CUX2: variants seen among roughly 807,000 people sequenced by gnomAD.
CUX2 encodes the protein cut like homeobox 2, also known as homeobox protein cut-like 2.
A neutral mutation model predicts 144.8 loss-of-function variants in CUX2; 40 were observed. The observed-to-expected ratio is 0.28, with a 90% CI of 0.21 to 0.36. The LOEUF is 0.36. Among genes scored for constraint, CUX2 ranks in the 10% least tolerant of loss-of-function variants. The pLI is 1.00. For synonymous variants in CUX2, 827 were observed against 875.6 expected (o/e 0.94, Z 0.98); for missense variants, 1,615 against 1,994.0 (o/e 0.81, Z 3.62).
chr12:111,046,354 C>T (rs1461453238), intron 1 of CUX2, among the ~76,000 whole-genome samples: 5 of 152,246 alleles, frequency 3.3e-5, no homozygotes, highest in Non-Finnish European at 7.3e-5. Context: ...CCAGTGTTCA[C>T]AGCCCTTTGT....
chr12:111,138,132 C>T (rs1260240310), intron 1 of CUX2, among the ~76,000 whole-genome samples: 1 of 152,182 alleles, frequency 6.6e-6, no homozygotes, highest in Non-Finnish European at 1.5e-5. Flanking sequence ...GCCAGGCTGG[C>T]CGAGGGGAGG....
rs559667642 is a variant in CUX2 at position 111,302,500 on chromosome 12, G to C, written c.754-1710G>C. Among the ~76,000 whole-genome samples, 4 of 152,258 alleles carry C rather than the reference G, an allele frequency of 2.6e-5. No homozygotes were observed. In the East Asian group the frequency reaches 7.7e-4, roughly 29 times the overall value. On this transcript the variant is annotated intron_variant, in intron 9 of 21. Coordinates refer to ENST00000261726, the MANE Select transcript of CUX2 (RefSeq NM_015267.4). ...GCCTCTTGCCTAAGATCGCATAACC[G>C]GAAAGTTGCAAAGTCAGAATGTGAG... is the stretch of plus-strand genomic sequence containing the variant.
At chr12:111,062,804 C>T (rs1180257247) in intron 1 of CUX2, among the ~76,000 whole-genome samples, 2 of 152,162 alleles carry the variant, frequency 1.3e-5, no homozygotes, top group Admixed American at 6.5e-5. Context: ...AGTGAGGAGG[C>T]GCATGGTAGT....
intron 3 of CUX2, among the ~76,000 whole-genome samples, chr12:111,254,528 C>A (rs1883716083): frequency 6.6e-6 from 1 of 152,156 alleles, no homozygotes; most frequent in South Asian, 2.1e-4. Context: ...TTAATGACTT[C>A]CACCTGTGAG....
chr12:111,134,620 C>CTCTGTGTGTGTGTGTGTGTGTGTGTG (rs1026548098), intron 1 of CUX2, among the ~76,000 whole-genome samples: 19 of 142,206 alleles, frequency 1.3e-4, no homozygotes, highest in African/African-American at 5.3e-4. Flanking sequence ...CTCTCTCTCT[C>CTCTGTGTGTGTGTGTGTGTGTGTGTG]TGTGTGTGTG....
At chr12:111,216,325 T>G (rs904423762) in intron 2 of CUX2, among the ~76,000 whole-genome samples, 4 of 152,194 alleles carry the variant, frequency 2.6e-5, no homozygotes, top group Non-Finnish European at 5.9e-5. Context: ...TTCTGTAAAC[T>G]CAAGGAACTG....
At chr12:111,264,097 C>T (rs1339376851) in intron 4 of CUX2, among the ~76,000 whole-genome samples, 2 of 152,170 alleles carry the variant, frequency 1.3e-5, no homozygotes, top group African/African-American at 4.8e-5. Flanking sequence ...GATATCCCAC[C>T]TGGACCTACT....
At chr12:111,280,607 G>C (rs957239346) in intron 4 of CUX2, among the ~76,000 whole-genome samples, 1 of 152,066 alleles carries the variant, frequency 6.6e-6, no homozygotes, top group Non-Finnish European at 1.5e-5. Context: ...TCAAGATGTC[G>C]GCAGAGTTAG....
At chr12:111,325,479 A>G (rs1296208899) in intron 18 of CUX2, among the ~76,000 whole-genome samples, 1 of 152,188 alleles carries the variant, frequency 6.6e-6, no homozygotes, top group African/African-American at 2.4e-5. Flanking sequence ...GACTTGCCCA[A>G]GGCCATCATC....
intron 1 of CUX2, among the ~76,000 whole-genome samples, chr12:111,148,773 G>A (rs1005131008): frequency 1.3e-5 from 2 of 152,202 alleles, no homozygotes; most frequent in Non-Finnish European, 2.9e-5. Context: ...AAGGCCAGAT[G>A]ATTGCTTGAG....
rs947941107 is a variant in CUX2 at position 111,322,375 on chromosome 12, T to C, written c.2767-46T>C. 5.6e-6 allele frequency: 8 copies of C among 1,439,314 alleles called. No individual in the cohort carries two copies. The East Asian group carries it at 1.0e-4, about 19-fold the overall frequency. The allele number at this position is 1,439,314 out of a possible 1,614,324, so 89.2% of individuals were successfully genotyped here. A position where few individuals can be genotyped will look rare whatever the true frequency, so the allele number is the denominator to read the frequency against. On this transcript the variant is annotated intron_variant, in intron 17 of 21. Coordinates refer to ENST00000261726, the MANE Select transcript of CUX2 (RefSeq NM_015267.4). The surrounding 1 kb of genome is among the most constrained non-coding windows in gnomAD (Gnocchi z 4.2). ...GGGAGGAGAGTGAGGGCCAGGCCCA[T>C]GTCCCAGGGGCCTGCTGACCTACCC...
chr12:111,118,579 C>T (rs906939462), intron 1 of CUX2, among the ~76,000 whole-genome samples: 1 of 152,222 alleles, frequency 6.6e-6, no homozygotes, highest in Admixed American at 6.5e-5. Flanking sequence ...TACCATTCGC[C>T]TCCACCATCA....
chr12:111,324,366 AG>A (rs1394695502), intron 18 of CUX2, among the ~76,000 whole-genome samples: 3 of 86,116 alleles, frequency 3.5e-5, no homozygotes, highest in Admixed American at 1.1e-4. Context: ...AAAAAAAAAA[AG>A]AAAGAAAGAA....
At chr12:111,233,310 C>G (rs1167143801) in intron 3 of CUX2, among the ~76,000 whole-genome samples, 3 of 152,168 alleles carry the variant, frequency 2.0e-5, no homozygotes, top group Admixed American at 6.5e-5. Flanking sequence ...CAGACCGCCT[C>G]TTAAATTCTG....
chr12:111,270,999 G>A (rs1235260849), intron 4 of CUX2, among the ~76,000 whole-genome samples: 2 of 152,184 alleles, frequency 1.3e-5, no homozygotes, highest in African/African-American at 4.8e-5. Flanking sequence ...CTCAGGGGTG[G>A]ACGTGAGGAT....
At position 111,312,317 on chromosome 12, in the gene CUX2, C is replaced by T; in HGVS notation, c.2002+116C>T. ...GGGAATCCAAGGTGGATCAGAACCACCAGAGGCCAGAGGGACCTGTCTAGA... is the reference window on the plus strand; with the variant it reads ...GGGAATCCAAGGTGGATCAGAACCATCAGAGGCCAGAGGGACCTGTCTAGA... On this transcript the variant is annotated intron_variant, in intron 16 of 21. Transcript: ENST00000261726. The surrounding 1 kb of genome is among the most constrained non-coding windows in gnomAD (Gnocchi z 4.3). 1.2e-6 allele frequency: 1 copy of T among 820,944 alleles called. No individual in the cohort carries two copies. The highest frequency in any genetic ancestry group is 1.9e-6 in the Non-Finnish European group (1 of 521,038). The allele number at this position is 820,944 out of a possible 1,614,324, so 50.9% of individuals were successfully genotyped here. A position where few individuals can be genotyped will look rare whatever the true frequency, so the allele number is the denominator to read the frequency against.
chr12:111,167,669 GGTTTGTTT>G (rs372984349), intron 1 of CUX2, among the ~76,000 whole-genome samples: 54 of 136,238 alleles, frequency 4.0e-4, no homozygotes, highest in Middle Eastern at 3.6e-3. Context: ...GTTGGCCCTG[GGTTTGTTT>G]GTTTGTTTGT....
chr12:111,163,123 C>T (rs928647276), intron 1 of CUX2, among the ~76,000 whole-genome samples: 1 of 151,976 alleles, frequency 6.6e-6, no homozygotes, highest in African/African-American at 2.4e-5. Context: ...GGCTGCCTGA[C>T]CTTGAGCTTG....
At position 111,293,674 on chromosome 12, in the gene CUX2, T is replaced by G; in HGVS notation, c.560+105T>G. ...GGAAAGTCTCCTACCAGAATCCAGA[T>G]GCAGGCTGGAGACCGAGATGAGAAA... On this transcript the variant is annotated intron_variant, in intron 6 of 21. Transcript: ENST00000261726. This position sits in a 1 kb window ranked among gnomAD's most constrained non-coding sequence, Gnocchi z 4.5. 6 of 1,431,458 alleles carry G rather than the reference T, an allele frequency of 4.2e-6. No individual in the cohort carries two copies. Among genetic ancestry groups the G allele is most frequent in the Non-Finnish European group, 5.6e-6 (6 of 1,071,170 alleles). The allele number at this position is 1,431,458 out of a possible 1,614,324, so 88.7% of individuals were successfully genotyped here. A position where few individuals can be genotyped will look rare whatever the true frequency, so the allele number is the denominator to read the frequency against.
Sources: gnomAD v4.1 joint callset for allele counts (sites outside exome capture counted in the v4.1 genomes callset) on GRCh38, gnomAD v4.1.1 for gene constraint, Gnocchi (gnomAD v3.1) non-coding constraint, MANE v1.5 for transcripts, NCBI Gene and HGNC (gene_info 2026-07-23, HGNC 2026-07-21) for gene names.